FAM219A: variants seen among roughly 807,000 people sequenced by gnomAD.
FAM219A encodes family with sequence similarity 219 member A.
FAM219A carries 7 observed loss-of-function variants against 23.4 expected under a neutral mutation model. The ratio of observed to expected loss-of-function variants is 0.30; its 90% CI spans 0.17 to 0.56. The LOEUF is 0.56. FAM219A is among the 20% of genes least tolerant of loss of function. The pLI is 0.92. For missense variants in FAM219A, 166 were observed against 246.9 expected, an observed-to-expected ratio of 0.67 and a Z score of 2.20; for synonymous variants, 93 against 99.0, an observed-to-expected ratio of 0.94 and a Z score of 0.36.
chr9:34,416,405 ATT>A (rs1822034335), intron 1 of FAM219A, among the ~76,000 whole-genome samples: 1 of 151,988 alleles, frequency 6.6e-6, no homozygotes, highest in African/African-American at 2.4e-5. Flanking sequence ...TGGGTTTTTT[ATT>A]TTGTTACTGT....
intron 1 of FAM219A, among the ~76,000 whole-genome samples, chr9:34,448,994 G>GGAAA (rs1823465674): frequency 1.4e-5 from 2 of 142,428 alleles, no homozygotes; most frequent in African/African-American, 2.6e-5. Flanking sequence ...AAAACTATCG[G>GGAAA]AAAAAAAAAA....
At position 34,400,750 on chromosome 9, in the gene FAM219A, G is replaced by A. The variant is rs1394678120; in HGVS notation, c.*214C>T. On this transcript the variant is annotated 3_prime_UTR_variant, in exon 6 of 6. Transcript: ENST00000651358. The stretch of plus-strand genomic sequence containing the variant: ...CGGCCCCCACCCCTCCTCAGCTCCC[G>A]GGTGGAGAGAGACCCAGTTTTGGTT... 6.6e-6 allele frequency: 3 copies of A among 455,924 alleles called. No individual in the cohort carries two copies. Among genetic ancestry groups the A allele is most frequent in the African/African-American group, 2.1e-5 (1 of 48,712 alleles). The allele number at this position is 455,924 out of a possible 1,614,324, so 28.2% of individuals were successfully genotyped here. A position where few individuals can be genotyped will look rare whatever the true frequency, so the allele number is the denominator to read the frequency against.
At chr9:34,435,852 C>A (rs1476780809) in intron 1 of FAM219A, among the ~76,000 whole-genome samples, 2 of 151,896 alleles carry the variant, frequency 1.3e-5, no homozygotes, top group Non-Finnish European at 2.9e-5. Context: ...ATCACCCAGG[C>A]TGGAGTGCAA....
chr9:34,416,273 G>GGGAAGGAAGGAAGGAA (rs74180565), intron 1 of FAM219A, among the ~76,000 whole-genome samples: 3,006 of 114,162 alleles, frequency 0.026, 192 homozygotes, highest in East Asian at 0.085. Flanking sequence ...GAGGGAGGGA[G>GGGAAGGAAGGAAGGAA]GGAAGGAAGG....
chr9:34,422,920 C>T (rs1453536555), intron 1 of FAM219A, among the ~76,000 whole-genome samples: 1 of 152,070 alleles, frequency 6.6e-6, no homozygotes, highest in Non-Finnish European at 1.5e-5. Flanking sequence ...AATCCCAGCA[C>T]TTTGGAAGGC....
chr9:34,407,652 A>G (rs1372508820), intron 1 of FAM219A, among the ~76,000 whole-genome samples: 1 of 152,212 alleles, frequency 6.6e-6, no homozygotes, highest in Non-Finnish European at 1.5e-5. Context: ...CCATTCTTGC[A>G]GGCCCAAGCA....
intron 1 of FAM219A, among the ~76,000 whole-genome samples, chr9:34,449,873 T>C (rs1823499557): frequency 6.6e-6 from 1 of 152,194 alleles, no homozygotes; most frequent in Non-Finnish European, 1.5e-5. Flanking sequence ...CAAAGAAATT[T>C]TTCTACGGAG....
chr9:34,424,956 C>A (rs917790850), intron 1 of FAM219A, among the ~76,000 whole-genome samples: 5 of 152,016 alleles, frequency 3.3e-5, no homozygotes, highest in Admixed American at 1.3e-4. Context: ...AGGTGTGTAC[C>A]ACCACACCCA....
At position 34,402,200 on chromosome 9, in the gene FAM219A, G is replaced by A. The variant is rs909973345; in HGVS notation, c.344+187C>T. On this transcript the variant is annotated intron_variant, in intron 4 of 5. Transcript: ENST00000651358. ...ACGCAGGCCCCCCTTTCCTCTCTCTGCCACCTCTCTTCAACCCCCAGTCCC... is the reference window on the plus strand; with the variant it reads ...ACGCAGGCCCCCCTTTCCTCTCTCTACCACCTCTCTTCAACCCCCAGTCCC... 6.5e-6 allele frequency: 10 copies of A among 1,534,818 alleles called. No homozygotes were observed. In the African/African-American group the frequency reaches 1.1e-4, roughly 17 times the overall value.
At chr9:34,448,235 G>C (rs1823438402) in intron 1 of FAM219A, among the ~76,000 whole-genome samples, 1 of 152,178 alleles carries the variant, frequency 6.6e-6, no homozygotes, top group South Asian at 2.1e-4. Context: ...CAGATTGCTT[G>C]GCTGGCTAAC....
intron 1 of FAM219A, among the ~76,000 whole-genome samples, chr9:34,411,029 A>G (rs1438962375): frequency 2.0e-5 from 3 of 152,176 alleles, no homozygotes; most frequent in East Asian, 3.9e-4. Context: ...TGAGGCCTAT[A>G]CTATCATGGT....
chr9:34,454,403 T>A (rs1823662168), intron 1 of FAM219A, among the ~76,000 whole-genome samples: 1 of 151,994 alleles, frequency 6.6e-6, no homozygotes, highest in Non-Finnish European at 1.5e-5. Context: ...ACCACCGCAC[T>A]CCAGCCTGGG....
intron 1 of FAM219A, among the ~76,000 whole-genome samples, chr9:34,446,802 C>A (rs2132012360): frequency 6.6e-6 from 1 of 152,340 alleles, no homozygotes; most frequent in African/African-American, 2.4e-5. Context: ...TGACTCCTTT[C>A]ATTATTCTAG....
Position 34,458,188 on chromosome 9 carries a change from C to A in FAM219A, c.60+16G>T, listed in dbSNP as rs772443667. The A allele has an allele frequency of 7.2e-5, 114 of 1,581,562 alleles. No individual in the cohort carries two copies. Among genetic ancestry groups the A allele is most frequent in the Non-Finnish European group, 9.3e-5 (109 of 1,169,736 alleles). On this transcript the variant is annotated intron_variant, in intron 1 of 5. Coordinates refer to ENST00000651358, the MANE Select transcript of FAM219A (RefSeq NM_001184940.2). This position sits in a 1 kb window ranked among gnomAD's most constrained non-coding sequence, Gnocchi z 6.6. ...GCCCCCTCCGGCCTTGGCCTGCCCG[C>A]CGCCCGCCCCCTCACCAGCGGCTGC...
intron 1 of FAM219A, among the ~76,000 whole-genome samples, chr9:34,413,795 A>G (rs972309851): frequency 5.3e-5 from 8 of 152,232 alleles, no homozygotes; most frequent in Non-Finnish European, 1.0e-4. Context: ...AAAAGCAGAA[A>G]GCAGAAATCA....
At chr9:34,455,880 G>A (rs1339945188) in intron 1 of FAM219A, among the ~76,000 whole-genome samples, 1 of 152,100 alleles carries the variant, frequency 6.6e-6, no homozygotes, top group Non-Finnish European at 1.5e-5. Context: ...TTTCCATAAG[G>A]CTCTCACTCA....
chr9:34,401,530 C>T (rs1041093732), intron 5 of FAM219A, 136 bp downstream of exon 5: 4 of 985,078 alleles, frequency 4.1e-6, no homozygotes, highest in Non-Finnish European at 4.5e-6. Flanking sequence ...CTATCCCAGG[C>T]CCACCCTGTG....
intron 1 of FAM219A, among the ~76,000 whole-genome samples, chr9:34,456,447 C>G (rs1588081449): frequency 6.6e-6 from 1 of 152,226 alleles, no homozygotes; most frequent in Non-Finnish European, 1.5e-5. Flanking sequence ...CCTTGAACAG[C>G]TATTTCCTTC....
intron 1 of FAM219A, among the ~76,000 whole-genome samples, chr9:34,411,279 C>A (rs1821810249): frequency 6.6e-6 from 1 of 152,092 alleles, no homozygotes; most frequent in African/African-American, 2.4e-5. Context: ...GCTGGGCATG[C>A]TGGCATGCAC....
Sources: gnomAD v4.1 joint callset for allele counts (sites outside exome capture counted in the v4.1 genomes callset) on GRCh38, gnomAD v4.1.1 for gene constraint, Gnocchi (gnomAD v3.1) non-coding constraint, MANE v1.5 for transcripts, NCBI Gene and HGNC (gene_info 2026-07-23, HGNC 2026-07-21) for gene names.